ZPBP: variants seen among roughly 807,000 people sequenced by gnomAD.
The protein encoded by ZPBP is zona pellucida-binding protein 1.
A neutral mutation model predicts 44.8 loss-of-function variants in ZPBP; 26 were observed. The ratio of observed to expected loss-of-function variants is 0.58; its 90% confidence interval spans 0.43 to 0.81. The LOEUF (loss-of-function observed/expected upper bound fraction) is 0.81, where lower values mean the gene tolerates loss of function less well. ZPBP is among the 30% of genes least tolerant of loss of function. The pLI is 0.00. For synonymous variants in ZPBP, 174 were observed against 153.2 expected, an observed-to-expected ratio of 1.14 and a Z score of -1.00; for missense variants, 409 against 434.0, an observed-to-expected ratio of 0.94 and a Z score of 0.51.
intron 2 of ZPBP, among the ~76,000 whole-genome samples, chr7:49,897,582 A>G (rs530463492): frequency 6.6e-6 from 1 of 152,294 alleles, no homozygotes; most frequent in East Asian, 1.9e-4. Flanking sequence ...GAACAAACTA[A>G]AAAATCAACA....
In ZPBP at chr7:49,970,460, A is replaced by C. The variant is rs184998893; in HGVS notation, c.961+12882T>G. On this transcript the variant is annotated intron_variant, in intron 7 of 7. Transcript: ENST00000046087. ...TACAGAACCCTCCACACAACAGCTG[A>C]ATATACTTTTTTTTTTTTTTTTTTT... Among the ~76,000 whole-genome samples the C allele has an allele frequency of 6.0e-3, 833 of 139,160 alleles. 6 individuals are homozygous for C. Among genetic ancestry groups the C allele is most frequent in the Non-Finnish European group, 7.9e-3 (516 of 65,218 alleles). 91.3% of individuals were successfully genotyped at this position (139,160 alleles called of 152,430 possible). A position where few individuals can be genotyped will look rare whatever the true frequency, so the allele number is the denominator to read the frequency against.
intron 2 of ZPBP, among the ~76,000 whole-genome samples, chr7:49,852,766 T>C (rs971720625): frequency 6.6e-6 from 1 of 152,196 alleles, no homozygotes; most frequent in African/African-American, 2.4e-5. Flanking sequence ...TTCCAAACCC[T>C]GGTTCCTCCC....
intron 2 of ZPBP, among the ~76,000 whole-genome samples, chr7:49,899,452 A>G (rs1289018454): frequency 1.3e-5 from 2 of 152,074 alleles, no homozygotes; most frequent in Non-Finnish European, 2.9e-5. Context: ...AGGGACTACT[A>G]TATAGCTTCA....
Position 50,014,558 on chromosome 7 carries a change from G to A in ZPBP, c.783+3682C>T, listed in dbSNP as rs566964644. On this transcript the variant is annotated intron_variant, in intron 6 of 7. Transcript: ENST00000046087. ...TGGCTCACTGCAACCTTCACCTCCCGGGTTCAAGTGATTCTCCTGCCTCAG... is the reference window on the plus strand; with the variant it reads ...TGGCTCACTGCAACCTTCACCTCCCAGGTTCAAGTGATTCTCCTGCCTCAG... Among the ~76,000 whole-genome samples, 8 of 147,044 alleles carry A rather than the reference G, an allele frequency of 5.4e-5. No individual in the cohort carries two copies. In the East Asian group the frequency reaches 1.2e-3, roughly 22 times the overall value.
intron 6 of ZPBP, among the ~76,000 whole-genome samples, chr7:50,012,479 C>T (rs1267825833): frequency 6.6e-6 from 1 of 151,652 alleles, no homozygotes. Context: ...CTGACCAAGA[C>T]ATTACAAAAA....
chr7:50,036,771 A>G (rs1308639291), intron 4 of ZPBP, among the ~76,000 whole-genome samples: 9 of 152,128 alleles, frequency 5.9e-5, no homozygotes, highest in African/African-American at 2.2e-4. Flanking sequence ...TACCCAAAAA[A>G]TAGAAAGAAA....
At chr7:49,961,255 T>C (rs760926861) in intron 7 of ZPBP, among the ~76,000 whole-genome samples, 14 of 152,292 alleles carry the variant, frequency 9.2e-5, no homozygotes, top group South Asian at 2.1e-4. Context: ...AAATGTGCTA[T>C]ACCCATACAA....
rs548473757 is a variant in ZPBP at position 50,088,183 on chromosome 7, T to A, written c.208+1446A>T. 6.4e-4 allele frequency among the ~76,000 whole-genome samples: 97 copies of A among 152,122 alleles called. 2 individuals carry two copies. The South Asian group carries it at 0.02, about 31-fold the overall frequency. On this transcript the variant is annotated intron_variant, in intron 2 of 7. Transcript: ENST00000046087. Reference sequence around the variant, plus strand: ...CCAAGCCAATTGCAAAGAAAAAGAATAATCGCTTCAACAAATGGTGATAAA... The same window carrying A: ...CCAAGCCAATTGCAAAGAAAAAGAAAAATCGCTTCAACAAATGGTGATAAA...
At chr7:49,901,116 A>G (rs1792701673) in intron 2 of ZPBP, 1 of 151,964 alleles carries the variant, frequency 6.6e-6, no homozygotes, top group African/African-American at 2.4e-5. Context: ...CATCGTACTT[A>G]CTGTTGAGAA....
At chr7:49,982,346 T>C (rs1490252995) in intron 7 of ZPBP, among the ~76,000 whole-genome samples, 3 of 127,376 alleles carry the variant, frequency 2.4e-5, no homozygotes, top group African/African-American at 8.8e-5. Context: ...TAATACATAA[T>C]ATATAATTAT....
intron 5 of ZPBP, 55 bp downstream of exon 5, chr7:50,031,037 T>C (rs1021783689): frequency 1.3e-6 from 2 of 1,493,724 alleles, no homozygotes; most frequent in Admixed American, 1.7e-5. Flanking sequence ...ACAACTTTTT[T>C]AACTATTAGT....
intron 2 of ZPBP, among the ~76,000 whole-genome samples, chr7:49,859,367 G>A (rs1228622812): frequency 6.6e-6 from 1 of 151,958 alleles, no homozygotes; most frequent in Non-Finnish European, 1.5e-5. Context: ...AGGTAACAAG[G>A]CTGTTCTCAT....
At chr7:50,048,388 C>T (rs1428505285) in intron 4 of ZPBP, among the ~76,000 whole-genome samples, 1 of 152,080 alleles carries the variant, frequency 6.6e-6, no homozygotes, top group Non-Finnish European at 1.5e-5. Flanking sequence ...GAGTCATCTA[C>T]AGTAAACTGG....
At chr7:50,053,742 T>A (rs1800800689) in intron 4 of ZPBP, among the ~76,000 whole-genome samples, 1 of 152,218 alleles carries the variant, frequency 6.6e-6, no homozygotes, top group Admixed American at 6.5e-5. Flanking sequence ...GGTGGTTTTG[T>A]GAACTGGTCA....
At chr7:49,904,028 T>G (rs1221702219) in intron 1 of ZPBP, among the ~76,000 whole-genome samples, 1 of 152,156 alleles carries the variant, frequency 6.6e-6, no homozygotes, top group Non-Finnish European at 1.5e-5. Flanking sequence ...ATTTTGTAAA[T>G]GAACTCTCCC....
intron 6 of ZPBP, among the ~76,000 whole-genome samples, chr7:49,992,264 C>A (rs1365029165): frequency 6.6e-6 from 1 of 151,738 alleles, no homozygotes; most frequent in Non-Finnish European, 1.5e-5. Context: ...GCCACACCAG[C>A]CAAATTAGAT....
chr7:49,971,649 T>C (rs146566834), intron 7 of ZPBP, among the ~76,000 whole-genome samples: 4 of 152,248 alleles, frequency 2.6e-5, no homozygotes, highest in Non-Finnish European at 5.9e-5. Flanking sequence ...CCCAGCAAGA[T>C]GGTTTCACTA....
intron 5 of ZPBP, among the ~76,000 whole-genome samples, chr7:50,025,732 T>G (rs1367428881): frequency 5.3e-5 from 8 of 151,860 alleles, no homozygotes; most frequent in Admixed American, 5.3e-4. Context: ...CATACAAATT[T>G]GCATGTAAAA....
At chr7:50,086,422 AT>A (rs907838856) in intron 2 of ZPBP, among the ~76,000 whole-genome samples, 1 of 152,100 alleles carries the variant, frequency 6.6e-6, no homozygotes, top group African/African-American at 2.4e-5. Context: ...CTGGATAAAT[AT>A]TTTAAGTTAG....
Sources: allele counts gnomAD v4.1 joint callset (sites outside exome capture counted in the v4.1 genomes callset), GRCh38; gene constraint gnomAD v4.1.1; transcripts MANE v1.5; gene names NCBI Gene and HGNC (gene_info 2026-07-23, HGNC 2026-07-21).